The following SUN3 variants were observed in gnomAD, a reference collection of about 807,000 sequenced individuals.
SUN3 encodes the protein SUN domain-containing protein 3.
SUN3 carries 36 observed loss-of-function variants against 48.2 expected under a neutral mutation model. The ratio of observed to expected loss-of-function variants is 0.75; its 90% confidence interval spans 0.57 to 0.99. SUN3 has a LOEUF of 0.99. Ranked by LOEUF, SUN3 falls within the 50% of genes least tolerant of loss-of-function variation. The pLI, the probability that SUN3 is intolerant of heterozygous loss-of-function variation, is 0.00. For missense variants in SUN3, 419 were observed against 433.1 expected, an observed-to-expected ratio of 0.97 and a Z score of 0.29; for synonymous variants, 148 against 147.9, an observed-to-expected ratio of 1.00 and a Z score of 0.00.
chr7:47,995,695 T>TG (rs1472782488), intron 7 of SUN3, among the ~76,000 whole-genome samples: 1 of 152,214 alleles, frequency 6.6e-6, no homozygotes, highest in Non-Finnish European at 1.5e-5. Context: ...AACAAATGTT[T>TG]GTTGAATGAC....
intron 8 of SUN3, among the ~76,000 whole-genome samples, chr7:47,992,239 G>T (rs1484823019): frequency 1.3e-5 from 2 of 152,208 alleles, no homozygotes; most frequent in African/African-American, 4.8e-5. Flanking sequence ...CACAGACATG[G>T]GAGAAAAGTG....
chr7:48,029,438 T>G (rs1790224092), upstream of SUN3, among the ~76,000 whole-genome samples: 1 of 152,240 alleles, frequency 6.6e-6, no homozygotes, highest in African/African-American at 2.4e-5. Context: ...TCATTATTTT[T>G]GATACTTTAC....
At chr7:48,016,010 C>T (rs905292376) in intron 3 of SUN3, among the ~76,000 whole-genome samples, 2 of 152,184 alleles carry the variant, frequency 1.3e-5, no homozygotes, top group Non-Finnish European at 2.9e-5. Flanking sequence ...CAGACCCTGG[C>T]TCCAAGAGTC....
At chr7:47,989,144 C>T (rs1286343944) in intron 8 of SUN3, among the ~76,000 whole-genome samples, 3 of 151,988 alleles carry the variant, frequency 2.0e-5, no homozygotes, top group Admixed American at 1.3e-4. Context: ...ATAGATAGAT[C>T]CATAGATAGA....
At chr7:48,025,225 C>T (rs1185116176) in intron 2 of SUN3, among the ~76,000 whole-genome samples, 1 of 151,904 alleles carries the variant, frequency 6.6e-6, no homozygotes, top group African/African-American at 2.4e-5. Flanking sequence ...TATTTAGCTA[C>T]AAAAAGGAAT....
intron 6 of SUN3, among the ~76,000 whole-genome samples, chr7:48,005,544 C>A (rs184985548): frequency 6.6e-6 from 1 of 152,216 alleles, no homozygotes; most frequent in East Asian, 1.9e-4. Flanking sequence ...ATAGCCTTAA[C>A]CCTTAATAAT....
intron 6 of SUN3, among the ~76,000 whole-genome samples, chr7:47,997,614 G>A (rs1431171473): frequency 6.6e-6 from 1 of 152,172 alleles, no homozygotes; most frequent in Admixed American, 6.6e-5. Flanking sequence ...CTCATTTACA[G>A]TGTATGATTC....
At chr7:48,002,351 G>A (rs185515225) in intron 6 of SUN3, among the ~76,000 whole-genome samples, 7 of 137,364 alleles carry the variant, frequency 5.1e-5, no homozygotes, top group Admixed American at 1.4e-4. Context: ...GTAGAGATGG[G>A]GTTTCACCGT....
intron 2 of SUN3, among the ~76,000 whole-genome samples, chr7:48,018,796 G>C (rs1789886979): frequency 6.6e-6 from 1 of 152,092 alleles, no homozygotes; most frequent in African/African-American, 2.4e-5. Context: ...AAACAGGAAA[G>C]TATGGCACAT....
chr7:47,987,890 A>C (rs1788945701), intron 9 of SUN3, among the ~76,000 whole-genome samples: 1 of 152,236 alleles, frequency 6.6e-6, no homozygotes, highest in Non-Finnish European at 1.5e-5. Context: ...AATGAATGAG[A>C]AAATAAGCTA....
intron 3 of SUN3, among the ~76,000 whole-genome samples, chr7:48,009,844 C>T (rs752133909): frequency 7.9e-5 from 12 of 152,140 alleles, no homozygotes; most frequent in Non-Finnish European, 8.8e-5. Context: ...TACCGGGCTA[C>T]TGTGCTGCCT....
At chr7:48,027,388 G>C (rs1035265221) in intron 1 of SUN3, among the ~76,000 whole-genome samples, 2 of 152,246 alleles carry the variant, frequency 1.3e-5, no homozygotes, top group Admixed American at 6.5e-5. Flanking sequence ...ACATTGATGG[G>C]TCATAGGATA....
In SUN3 at chr7:47,994,385, A is replaced by G. The variant is rs1273418915; in HGVS notation, c.791T>C (p.Met264Thr). The G allele has an allele frequency of 3.7e-6, 6 of 1,613,322 alleles. No individual in the cohort carries two copies. Among genetic ancestry groups the G allele is most frequent in the Non-Finnish European group, 4.2e-6 (5 of 1,179,750 alleles). The change falls in exon 8 of 10, where the codon ATG becomes ACG. Residue 264 changes from methionine to threonine, a missense_variant. Coordinates refer to ENST00000297325, the MANE Select transcript of SUN3 (RefSeq NM_001030019.2). ...ATKIIPTAVTMEHISEKVSPS... is the reference protein window; with the variant it reads ...ATKIIPTAVTTEHISEKVSPS... ...AGACACCTTCTCTGAGATGTGCTCC[A>G]TGGTAACAGCAGTTGGTATGATCTT...
intron 8 of SUN3, among the ~76,000 whole-genome samples, chr7:47,991,583 G>A (rs1406914098): frequency 6.8e-6 from 1 of 146,618 alleles, no homozygotes; most frequent in Non-Finnish European, 1.5e-5. Flanking sequence ...AGTGGGAGTA[G>A]ACAGTAAAAC....
At chr7:48,008,951 T>G in intron 4 of SUN3, 84 bp downstream of exon 4, 1 of 1,334,648 alleles carries the variant, frequency 7.5e-7, no homozygotes, top group Admixed American at 2.2e-5. Context: ...GAGTAACTTT[T>G]CTTTCTTATA....
intron 7 of SUN3, among the ~76,000 whole-genome samples, chr7:47,995,007 T>C (rs1210292351): frequency 1.3e-5 from 2 of 151,884 alleles, no homozygotes; most frequent in Non-Finnish European, 1.5e-5. Flanking sequence ...GTGATTGCAA[T>C]AGTGGTCATG....
intron 2 of SUN3, among the ~76,000 whole-genome samples, chr7:48,025,054 G>GT (rs1790097692): frequency 6.6e-6 from 1 of 152,110 alleles, no homozygotes; most frequent in Non-Finnish European, 1.5e-5. Context: ...TCATTCCTAT[G>GT]TATATACTTG....
intron 3 of SUN3, among the ~76,000 whole-genome samples, chr7:48,009,692 C>G (rs180681335): frequency 1.3e-5 from 2 of 151,922 alleles, no homozygotes; most frequent in African/African-American, 4.8e-5. Flanking sequence ...CAAACCAAGA[C>G]AAGAAACCAG....
At chr7:48,026,742 AAG>A (rs1227721446) in intron 1 of SUN3, among the ~76,000 whole-genome samples, 1 of 152,130 alleles carries the variant, frequency 6.6e-6, no homozygotes, top group Non-Finnish European at 1.5e-5. Context: ...GAAGAGGTGG[AAG>A]AGAGACCAGA....
Sources: gnomAD v4.1 joint callset for allele counts (sites outside exome capture counted in the v4.1 genomes callset) on GRCh38, gnomAD v4.1.1 for gene constraint, MANE v1.5 for transcripts, NCBI Gene and HGNC (gene_info 2026-07-23, HGNC 2026-07-21) for gene names.